The following RASGEF1B variants were observed in gnomAD, a reference collection of about 807,000 sequenced individuals.
The protein encoded by RASGEF1B is RasGEF domain family member 1B, also known as ras-GEF domain-containing family member 1B.
In RASGEF1B, 30 loss-of-function variants were observed where a neutral mutation model predicts 65.7. The observed-to-expected ratio is 0.46, with a 90% CI of 0.34 to 0.62. The LOEUF (loss-of-function observed/expected upper bound fraction) is 0.62, where lower values mean the gene tolerates loss of function less well. RASGEF1B is among the 20% of genes least tolerant of loss of function. The pLI, the probability that RASGEF1B is intolerant of heterozygous loss-of-function variation, is 0.01. For missense variants in RASGEF1B, 495 were observed against 580.1 expected (o/e 0.85, Z 1.51); for synonymous variants, 175 against 194.8 (o/e 0.90, Z 0.85).
intron 6 of RASGEF1B, 62 bp downstream of exon 6, chr4:81,447,442 C>T (rs2109980710): frequency 1.6e-6 from 2 of 1,212,992 alleles, no homozygotes; most frequent in East Asian, 4.7e-5. Context: ...TTTATACCCA[C>T]TATCATAGAC....
intron 1 of RASGEF1B, among the ~76,000 whole-genome samples, chr4:81,462,956 G>A (rs1363232343): frequency 2.0e-5 from 3 of 152,188 alleles, no homozygotes; most frequent in East Asian, 1.9e-4. Flanking sequence ...GTAATAACTC[G>A]CTTGGGGTTA....
chr4:81,446,114 C>T (rs1722013621), intron 6 of RASGEF1B, among the ~76,000 whole-genome samples: 1 of 152,218 alleles, frequency 6.6e-6, no homozygotes, highest in Non-Finnish European at 1.5e-5. Context: ...GTGGCTCACG[C>T]CTGTAATCCC....
At chr4:81,454,064 T>C (rs1722360581) in intron 4 of RASGEF1B, 2 of 152,224 alleles carry the variant, frequency 1.3e-5, no homozygotes, top group Non-Finnish European at 2.9e-5. Flanking sequence ...CTTTTCATGC[T>C]CAAAACCATC....
At chr4:81,460,669 G>T (rs553886420) in intron 1 of RASGEF1B, among the ~76,000 whole-genome samples, 1 of 152,212 alleles carries the variant, frequency 6.6e-6, no homozygotes, top group Non-Finnish European at 1.5e-5. Flanking sequence ...TCCTGTGCAT[G>T]TGCCTCAGCA....
chr4:81,463,287 T>C (rs1378300202), intron 1 of RASGEF1B, among the ~76,000 whole-genome samples: 2 of 152,182 alleles, frequency 1.3e-5, no homozygotes, highest in African/African-American at 2.4e-5. Context: ...CATCAAGACA[T>C]AGAGATTCCA....
chr4:81,445,889 G>C (rs753959919), intron 6 of RASGEF1B, 51 bp from the exon 7 acceptor site: 1 of 1,335,062 alleles, frequency 7.5e-7, no homozygotes, highest in South Asian at 1.2e-5. Context: ...AAACAATGTA[G>C]TGGACTCTCA....
intron 10 of RASGEF1B, among the ~76,000 whole-genome samples, chr4:81,435,654 T>C (rs1377019268): frequency 5.3e-5 from 8 of 149,770 alleles, no homozygotes; most frequent in Non-Finnish European, 8.9e-5. Flanking sequence ...TTTTGTATTT[T>C]TTAGTAGAGA....
intron 1 of RASGEF1B, among the ~76,000 whole-genome samples, chr4:81,461,855 C>T (rs985210281): frequency 1.3e-5 from 2 of 152,212 alleles, no homozygotes; most frequent in Non-Finnish European, 2.9e-5. Context: ...GATGACCCAG[C>T]AATGAGGCAC....
intron 1 of RASGEF1B, among the ~76,000 whole-genome samples, chr4:81,466,770 A>AAAAAAAAAAAGAAAG (rs748492254): frequency 2.8e-5 from 1 of 36,100 alleles, no homozygotes; most frequent in African/African-American, 9.5e-5. Flanking sequence ...AAAAAAAAAA[A>AAAAAAAAAAAGAAAG]AAAGAAAGAA....
chr4:81,469,908 C>T (rs972148813), intron 1 of RASGEF1B, among the ~76,000 whole-genome samples: 1 of 152,062 alleles, frequency 6.6e-6, no homozygotes, highest in Non-Finnish European at 1.5e-5. Context: ...AAGTACAAGG[C>T]CAATATGCTT....
intron 6 of RASGEF1B, among the ~76,000 whole-genome samples, chr4:81,446,747 C>G (rs1473728126): frequency 6.6e-6 from 1 of 152,130 alleles, no homozygotes; most frequent in South Asian, 2.1e-4. Context: ...AGGCTAATTA[C>G]ACCCCTCTTT....
chr4:81,429,669 G>A (rs1225391032), intron 13 of RASGEF1B, among the ~76,000 whole-genome samples: 3 of 152,242 alleles, frequency 2.0e-5, no homozygotes, highest in Non-Finnish European at 4.4e-5. Context: ...TGCTGAAGAA[G>A]ACGCAAGTGG....
intron 9 of RASGEF1B, 51 bp downstream of exon 9, chr4:81,442,246 A>G (rs1721864795): frequency 8.3e-7 from 1 of 1,204,606 alleles, no homozygotes; most frequent in African/African-American, 1.5e-5. Flanking sequence ...AAGGAATTCC[A>G]CTTTCCAGGT....
intron 10 of RASGEF1B, 72 bp from the exon 11 acceptor site, chr4:81,434,806 T>A: frequency 2.6e-6 from 2 of 757,756 alleles, no homozygotes; most frequent in Non-Finnish European, 4.6e-6. Context: ...TACACAAGAT[T>A]AATGAACAAC....
chr4:81,438,540 T>C (rs1721723559), intron 10 of RASGEF1B, among the ~76,000 whole-genome samples: 1 of 152,246 alleles, frequency 6.6e-6, no homozygotes, highest in South Asian at 2.1e-4. Context: ...AGAGATGGCA[T>C]TTTTTTAAAT....
intron 11 of RASGEF1B, among the ~76,000 whole-genome samples, 192 bp downstream of exon 11, chr4:81,434,447 T>C (rs1319965226): frequency 6.6e-6 from 1 of 152,216 alleles, no homozygotes; most frequent in Admixed American, 6.5e-5. Flanking sequence ...CAGATAGTAA[T>C]AATCATCATC....
rs369211121 is a variant in RASGEF1B at position 81,435,208 on chromosome 4, A to G, written c.1105-474T>C. Among the ~76,000 whole-genome samples the G allele has an allele frequency of 7.9e-4, 120 of 151,834 alleles. 1 individual carries two copies. The highest frequency in any genetic ancestry group is 2.8e-3 in the East Asian group (14 of 5,064). ...GGGTGGATCATGAGGTCAGGAGATC[A>G]AGACCATCCTGGCTAACAAGGTGAA... On this transcript the variant is annotated intron_variant, in intron 10 of 13. Transcript: ENST00000264400.
In RASGEF1B at chr4:81,467,655, A is replaced by T. The variant is rs555348784; in HGVS notation, c.-7+4115T>A. Among the ~76,000 whole-genome samples, 20 of 152,340 alleles carry T rather than the reference A, an allele frequency of 1.3e-4. No individual in the cohort carries two copies. The South Asian group carries it at 2.5e-3, about 19-fold the overall frequency. On this transcript the variant is annotated intron_variant, in intron 1 of 13. Transcript: ENST00000264400. ...AGTGCTGGTTTAGAAAAGCAAAAGG[A>T]TAACTAGAGTTATGGGGAAAATATA...
intron 6 of RASGEF1B, 50 bp downstream of exon 6, chr4:81,447,454 G>A (rs1476851397): frequency 8.9e-6 from 12 of 1,350,826 alleles, no homozygotes; most frequent in Non-Finnish European, 1.3e-5. Flanking sequence ...ATCATAGACT[G>A]ATAAATCCCA....
Sources: gnomAD v4.1 joint callset for allele counts (sites outside exome capture counted in the v4.1 genomes callset) on GRCh38, gnomAD v4.1.1 for gene constraint, MANE v1.5 for transcripts, NCBI Gene and HGNC (gene_info 2026-07-23, HGNC 2026-07-21) for gene names.